FHIT: variants seen among roughly 807,000 people sequenced by gnomAD.
FHIT encodes the protein bis(5'-adenosyl)-triphosphatase.
FHIT carries 19 observed loss-of-function variants against 17.9 expected under a neutral mutation model. That is an observed-to-expected ratio of 1.06 (90% CI 0.74 to 1.56). FHIT has a LOEUF of 1.56. Ranked by LOEUF, FHIT falls within the 40% of genes most tolerant of loss-of-function variation. The pLI is 0.00. For synonymous variants in FHIT, 81 were observed against 69.7 expected (o/e 1.16, Z -0.81); for missense variants, 248 against 189.2 (o/e 1.31, Z -1.82).
chr3:60,672,849 G>A (rs1280746964), intron 4 of FHIT, among the ~76,000 whole-genome samples: 2 of 114,756 alleles, frequency 1.7e-5, no homozygotes, highest in Non-Finnish European at 3.9e-5. Context: ...CCACTATTAG[G>A]GTTTTTAATT....
At chr3:60,473,846 C>T (rs956440727) in intron 5 of FHIT, among the ~76,000 whole-genome samples, 1 of 151,940 alleles carries the variant, frequency 6.6e-6, no homozygotes, top group African/African-American at 2.4e-5. Context: ...TTACTTGAAC[C>T]CGGGAGGAGG....
intron 4 of FHIT, among the ~76,000 whole-genome samples, chr3:60,638,338 C>A (rs13063948): frequency 0.11 from 16,627 of 152,158 alleles, 1,236 homozygotes; most frequent in Non-Finnish European, 0.16. Flanking sequence ...TGGGTCTAGA[C>A]AACCACCATT....
At chr3:60,731,839 G>C (rs574662636) in intron 4 of FHIT, among the ~76,000 whole-genome samples, 1 of 152,114 alleles carries the variant, frequency 6.6e-6, no homozygotes, top group Non-Finnish European at 1.5e-5. Context: ...CCTGATGGTC[G>C]CCTGACATTC....
At chr3:60,122,467 G>A (rs1234986828) in intron 5 of FHIT, among the ~76,000 whole-genome samples, 2 of 152,292 alleles carry the variant, frequency 1.3e-5, no homozygotes, top group East Asian at 3.9e-4. Context: ...GAGGAAACAT[G>A]AACGTCTTGG....
chr3:60,324,478 G>A (rs1004331806), intron 5 of FHIT, among the ~76,000 whole-genome samples: 6 of 151,720 alleles, frequency 4.0e-5, no homozygotes, highest in Admixed American at 1.3e-4. Flanking sequence ...CCAGCTGCTC[G>A]GGATGCTGAG....
At chr3:61,072,244 A>C (rs2034830258) in intron 2 of FHIT, among the ~76,000 whole-genome samples, 1 of 152,008 alleles carries the variant, frequency 6.6e-6, no homozygotes, top group Non-Finnish European at 1.5e-5. Flanking sequence ...TGACTTTGTG[A>C]TTTTATTCAG....
chr3:61,203,736 G>T (rs1447422751), intron 1 of FHIT, among the ~76,000 whole-genome samples: 1 of 152,150 alleles, frequency 6.6e-6, no homozygotes, highest in Non-Finnish European at 1.5e-5. Context: ...TAAAGAAGGG[G>T]GTAATAAATT....
At chr3:60,514,789 G>A (rs1231363688) in intron 5 of FHIT, among the ~76,000 whole-genome samples, 6 of 152,006 alleles carry the variant, frequency 3.9e-5, no homozygotes, top group African/African-American at 1.4e-4. Context: ...AATCTTTCCA[G>A]ATCCATCAGG....
intron 5 of FHIT, among the ~76,000 whole-genome samples, chr3:60,054,177 T>C (rs910979697): frequency 6.6e-6 from 1 of 152,216 alleles, no homozygotes; most frequent in African/African-American, 2.4e-5. Context: ...AGTTTTGGAT[T>C]AGATTCAAAT....
At chr3:61,203,647 T>G (rs1256026585) in intron 1 of FHIT, among the ~76,000 whole-genome samples, 1 of 152,068 alleles carries the variant, frequency 6.6e-6, no homozygotes, top group Non-Finnish European at 1.5e-5. Flanking sequence ...TAAGCTCTAC[T>G]TGTAAAAAAA....
At chr3:60,242,927 G>T (rs1474106106) in intron 5 of FHIT, among the ~76,000 whole-genome samples, 1 of 151,892 alleles carries the variant, frequency 6.6e-6, no homozygotes, top group Non-Finnish European at 1.5e-5. Context: ...AACACACCAG[G>T]AGAAGTAGAT....
chr3:60,817,827 G>T (rs79357276), intron 4 of FHIT, among the ~76,000 whole-genome samples: 4,495 of 152,016 alleles, frequency 0.03, 215 homozygotes, highest in African/African-American at 0.1. Context: ...CAAATATTTT[G>T]TTCTGTTTCA....
intron 5 of FHIT, among the ~76,000 whole-genome samples, chr3:60,468,196 G>A (rs572211501): frequency 1.3e-3 from 192 of 152,066 alleles, no homozygotes; most frequent in Middle Eastern, 3.4e-3. Context: ...TATTATAGGC[G>A]AAGTGTGTTC....
intron 5 of FHIT, among the ~76,000 whole-genome samples, chr3:60,497,622 C>A (rs1406752519): frequency 6.6e-6 from 1 of 152,102 alleles, no homozygotes; most frequent in South Asian, 2.1e-4. Context: ...TGTGGAAGAA[C>A]CCAGGATTCA....
At chr3:60,428,787 T>A (rs1702769275) in intron 5 of FHIT, among the ~76,000 whole-genome samples, 1 of 152,158 alleles carries the variant, frequency 6.6e-6, no homozygotes, top group Admixed American at 6.5e-5. Context: ...CACTGAGATC[T>A]GATCTTCTTC....
At chr3:60,190,531 C>G (rs1467628758) in intron 5 of FHIT, among the ~76,000 whole-genome samples, 6 of 152,018 alleles carry the variant, frequency 3.9e-5, no homozygotes, top group African/African-American at 1.4e-4. Flanking sequence ...GGCAGATCAC[C>G]TGAGGTCAGG....
At chr3:60,423,346 A>G (rs1483645806) in intron 5 of FHIT, among the ~76,000 whole-genome samples, 3 of 152,152 alleles carry the variant, frequency 2.0e-5, no homozygotes, top group Admixed American at 1.3e-4. Context: ...ACTTTCTACA[A>G]TGGGTTTTCT....
intron 4 of FHIT, among the ~76,000 whole-genome samples, chr3:60,565,079 G>A (rs190548391): frequency 2.6e-4 from 40 of 152,194 alleles, no homozygotes; most frequent in African/African-American, 7.5e-4. Context: ...ATTGAGGCAA[G>A]ACCTTCCCAT....
intron 3 of FHIT, among the ~76,000 whole-genome samples, chr3:60,981,557 C>T (rs6765479): frequency 0.24 from 37,202 of 151,864 alleles, 5,740 homozygotes; most frequent in East Asian, 0.62. Flanking sequence ...GCAATCCACC[C>T]GCCTCGGCCT....
Sources: allele counts gnomAD v4.1 joint callset (sites outside exome capture counted in the v4.1 genomes callset), GRCh38; gene constraint gnomAD v4.1.1; transcripts MANE v1.5; gene names NCBI Gene and HGNC (gene_info 2026-07-23, HGNC 2026-07-21).